Variants in SOX5 observed in about 807,000 individuals in gnomAD.
The protein encoded by SOX5 is transcription factor SOX-5.
In SOX5, 9 loss-of-function variants were observed where a neutral mutation model predicts 92.0. The ratio of observed to expected loss-of-function variants is 0.10; its 90% CI spans 0.06 to 0.17. SOX5 has a LOEUF of 0.17. SOX5 is among the 10% of genes least tolerant of loss of function. The pLI is 1.00. For synonymous variants in SOX5, 344 were observed against 336.3 expected (o/e 1.02, Z -0.25); for missense variants, 642 against 944.5 (o/e 0.68, Z 4.20).
At chr12:24,076,077 TGA>T (rs960553934) in intron 4 of SOX5, among the ~76,000 whole-genome samples, 2 of 152,200 alleles carry the variant, frequency 1.3e-5, no homozygotes, top group African/African-American at 2.4e-5. Flanking sequence ...GCCTGTAGAA[TGA>T]GAGAGTGTTT....
At chr12:24,225,241 C>T (rs564624613) in intron 3 of SOX5, among the ~76,000 whole-genome samples, 54 of 152,224 alleles carry the variant, frequency 3.5e-4, no homozygotes, top group Middle Eastern at 3.4e-3. Flanking sequence ...ATACCTAACC[C>T]ATCACCAAAA....
At chr12:24,329,721 T>C (rs904347371) in intron 2 of SOX5, among the ~76,000 whole-genome samples, 3 of 152,298 alleles carry the variant, frequency 2.0e-5, no homozygotes, top group African/African-American at 7.2e-5. Context: ...GGGAAAATGG[T>C]ATTTAAAATA....
rs1339734376 is a variant in SOX5 at position 23,983,936 on chromosome 12, AG to A, written c.-1-87913del. On this transcript the variant is annotated intron_variant, in intron 4 of 4. Transcript: ENST00000446891. ...AACAACAAAATAAACCTCAATGTGCAGCTTGGGAAATCCAAATCCACCTGAA... is the reference window on the plus strand; with the variant it reads ...AACAACAAAATAAACCTCAATGTGCACTTGGGAAATCCAAATCCACCTGAA... Among the ~76,000 whole-genome samples the A allele has an allele frequency of 4.7e-4, 72 of 152,310 alleles. 1 individual carries two copies. Among genetic ancestry groups the A allele is most frequent in the African/African-American group, 1.6e-3 (67 of 41,570 alleles).
chr12:23,978,329 C>T (rs1416282229), intron 4 of SOX5, among the ~76,000 whole-genome samples: 1 of 152,034 alleles, frequency 6.6e-6, no homozygotes, highest in Non-Finnish European at 1.5e-5. Context: ...TAAAAGTAAA[C>T]CAATAAAACA....
Position 23,974,648 on chromosome 12 carries a change from C to T in SOX5, c.-1-78624G>A, listed in dbSNP as rs192729259. 1.3e-3 allele frequency among the ~76,000 whole-genome samples: 198 copies of T among 152,054 alleles called. 1 individual carries two copies. Among genetic ancestry groups the T allele is most frequent in the African/African-American group, 4.4e-3 (182 of 41,468 alleles). On this transcript the variant is annotated intron_variant, in intron 4 of 4. Transcript: ENST00000446891. ...CCTCCAAGCTTCCTGGCAGGAATGA[C>T]GGGAAGATAGTGGTAATAAGAGAGT...
At chr12:24,115,873 T>C (rs16927193) in intron 4 of SOX5, among the ~76,000 whole-genome samples, 9,457 of 152,146 alleles carry the variant, frequency 0.062, 351 homozygotes, top group Admixed American at 0.13. Flanking sequence ...GTTTTTGAGA[T>C]TGTTAATATA....
chr12:24,304,436 GTGC>G (rs1267056779), intron 2 of SOX5, among the ~76,000 whole-genome samples: 2 of 152,176 alleles, frequency 1.3e-5, no homozygotes, highest in Non-Finnish European at 2.9e-5. Context: ...AATATCTTCA[GTGC>G]TATAATTCAG....
At chr12:24,382,163 C>T (rs1957889881) in intron 1 of SOX5, among the ~76,000 whole-genome samples, 1 of 152,060 alleles carries the variant, frequency 6.6e-6, no homozygotes, top group African/African-American at 2.4e-5. Context: ...TAGGGAAGTG[C>T]TAAGGAGAAA....
chr12:23,997,979 G>A (rs771289818), intron 4 of SOX5, among the ~76,000 whole-genome samples: 22 of 151,972 alleles, frequency 1.4e-4, no homozygotes, highest in Non-Finnish European at 2.5e-4. Context: ...AAGGTGAAGA[G>A]GTCAGAACCC....
chr12:24,036,480 G>A (rs1186211926), intron 4 of SOX5, among the ~76,000 whole-genome samples: 2 of 152,116 alleles, frequency 1.3e-5, no homozygotes, highest in African/African-American at 4.8e-5. Flanking sequence ...CTTGAGAACC[G>A]AATTGGTCTG....
chr12:23,611,653 C>T (rs2075975274), intron 8 of SOX5, among the ~76,000 whole-genome samples: 1 of 152,022 alleles, frequency 6.6e-6, no homozygotes, highest in African/African-American at 2.4e-5. Flanking sequence ...GCACAGGAGA[C>T]AGAGATGATG....
chr12:23,841,068 A>G (rs1178396692), intron 3 of SOX5, among the ~76,000 whole-genome samples: 1 of 152,160 alleles, frequency 6.6e-6, no homozygotes, highest in African/African-American at 2.4e-5. Flanking sequence ...TGGTAGAAAT[A>G]TTTGTAAAAC....
chr12:23,659,601 A>G (rs2082753840), intron 7 of SOX5, among the ~76,000 whole-genome samples: 1 of 152,200 alleles, frequency 6.6e-6, no homozygotes, highest in South Asian at 2.1e-4. Flanking sequence ...ACAGTGACTA[A>G]CTACATTTTC....
At position 23,665,278 on chromosome 12, in the gene SOX5, GT is replaced by G. The variant is rs930018373; in HGVS notation, c.931+165del. 5.2e-4 allele frequency among the ~76,000 whole-genome samples: 17 copies of G among 32,904 alleles called. No homozygotes were observed. In the East Asian group the frequency reaches 0.011, roughly 21 times the overall value. The allele number at this position is 32,904 out of a possible 152,430, so 21.6% of individuals were successfully genotyped here. On this transcript the variant is annotated intron_variant, in intron 7 of 14. Transcript: ENST00000451604. ...CTTCAGAAGCACAGATTTAATCTAA[GT>G]CCTTTAAGTACTAACACACTTCTCC...
At chr12:23,926,179 A>T (rs1352073676) in intron 1 of SOX5, among the ~76,000 whole-genome samples, 1 of 152,092 alleles carries the variant, frequency 6.6e-6, no homozygotes, top group Non-Finnish European at 1.5e-5. Flanking sequence ...ACATTTTTAG[A>T]ATCTCTTTAA....
At chr12:24,374,535 A>ATG (rs1343917490) in intron 1 of SOX5, among the ~76,000 whole-genome samples, 5 of 151,822 alleles carry the variant, frequency 3.3e-5, no homozygotes, top group African/African-American at 1.2e-4. Context: ...ACACACACAC[A>ATG]CATGCATGCA....
intron 1 of SOX5, among the ~76,000 whole-genome samples, chr12:24,446,408 C>T (rs1206554480): frequency 6.6e-6 from 1 of 152,028 alleles, no homozygotes; most frequent in Non-Finnish European, 1.5e-5. Context: ...AGCAGAGAGG[C>T]CCAATGTTTG....
intron 9 of SOX5, among the ~76,000 whole-genome samples, chr12:23,598,597 C>T (rs1952890624): frequency 6.6e-6 from 1 of 151,800 alleles, no homozygotes; most frequent in African/African-American, 2.4e-5. Context: ...GATGGGGTTT[C>T]ACCATGTTAT....
At chr12:24,451,569 T>C (rs1304766811) in intron 1 of SOX5, among the ~76,000 whole-genome samples, 1 of 152,220 alleles carries the variant, frequency 6.6e-6, no homozygotes, top group Non-Finnish European at 1.5e-5. Flanking sequence ...CCTTTTCATA[T>C]AATCATCTTT....
Sources: allele counts gnomAD v4.1 joint callset (sites outside exome capture counted in the v4.1 genomes callset), GRCh38; gene constraint gnomAD v4.1.1; transcripts MANE v1.5; gene names NCBI Gene and HGNC (gene_info 2026-07-23, HGNC 2026-07-21).